SCEL: variants seen among roughly 807,000 people sequenced by gnomAD.
SCEL encodes sciellin.
Under a neutral mutation model 117.6 loss-of-function variants are expected in SCEL, and 113 were observed. The ratio of observed to expected loss-of-function variants is 0.96; its 90% CI spans 0.83 to 1.12. The LOEUF is 1.12. SCEL is among the 50% of genes most tolerant of loss of function. The pLI, the probability that SCEL is intolerant of heterozygous loss-of-function variation, is 0.00. For missense variants in SCEL, 785 were observed against 810.8 expected, an observed-to-expected ratio of 0.97 and a Z score of 0.39; for synonymous variants, 270 against 256.2, an observed-to-expected ratio of 1.05 and a Z score of -0.51.
chr13:77,578,381 T>G (rs2086075453), intron 9 of SCEL, among the ~76,000 whole-genome samples: 1 of 151,258 alleles, frequency 6.6e-6, no homozygotes. Context: ...GAGAAAGGGC[T>G]TTCATGTCTA....
At chr13:77,600,511 C>A (rs143274803) in intron 15 of SCEL, among the ~76,000 whole-genome samples, 1 of 152,126 alleles carries the variant, frequency 6.6e-6, no homozygotes, top group Non-Finnish European at 1.5e-5. Context: ...TCTCTTCATA[C>A]GTATTTGTAA....
In SCEL at chr13:77,571,979, C is replaced by T. The variant is rs564213446; in HGVS notation, c.480-145C>T. 81 of 669,584 alleles carry T rather than the reference C, an allele frequency of 1.2e-4. 1 individual carries two copies. The South Asian group carries it at 1.3e-3, about 11-fold the overall frequency. 41.5% of individuals were successfully genotyped at this position (669,584 alleles called of 1,614,324 possible). Reference sequence around the variant, plus strand: ...GCCTAGAATATAGGACAGTTACTTCCTACTTCATTTATGAAATAGTGTTCA... The same window carrying T: ...GCCTAGAATATAGGACAGTTACTTCTTACTTCATTTATGAAATAGTGTTCA... On this transcript the variant is annotated intron_variant, in intron 8 of 32. Transcript: ENST00000349847.
intron 27 of SCEL, among the ~76,000 whole-genome samples, chr13:77,621,771 C>T (rs2089438810): frequency 6.6e-6 from 1 of 152,144 alleles, no homozygotes; most frequent in Non-Finnish European, 1.5e-5. Flanking sequence ...TTCTGAGCCC[C>T]TATGAGTGAA....
intron 31 of SCEL, among the ~76,000 whole-genome samples, chr13:77,641,931 G>A (rs762856196): frequency 4.6e-5 from 7 of 151,978 alleles, no homozygotes; most frequent in Non-Finnish European, 8.8e-5. Flanking sequence ...TTAGTTATGA[G>A]AACAAAGTTT....
intron 19 of SCEL, 128 bp downstream of exon 19, chr13:77,604,543 A>T: frequency 1.5e-6 from 1 of 651,596 alleles, no homozygotes; most frequent in South Asian, 2.8e-5. Context: ...TTTTTCTCTA[A>T]ACACTTCATA....
At position 77,569,421 on chromosome 13, in the gene SCEL, C is replaced by A; in HGVS notation, c.449C>A (p.Thr150Asn). ...AACACCTCCAACACCATAGCATCCA[C>A]TTCTGCTACTACTCCTGTAAAGAAG... ...NANTSNTIAS[T>N]SATTPVKKKR... Residue 150 changes from threonine (T) to asparagine (N), a missense_variant, in exon 8 of 33, where the codon ACT becomes AAT. Coordinates refer to ENST00000349847, the MANE Select transcript of SCEL (RefSeq NM_144777.3). The A allele has an allele frequency of 6.2e-7, 1 of 1,613,828 alleles. No homozygotes were observed. Among genetic ancestry groups the A allele is most frequent in the Non-Finnish European group, 8.5e-7 (1 of 1,179,716 alleles).
intron 1 of SCEL, among the ~76,000 whole-genome samples, chr13:77,541,735 G>T (rs1321246831): frequency 6.6e-6 from 1 of 151,920 alleles, no homozygotes; most frequent in Non-Finnish European, 1.5e-5. Flanking sequence ...ATGCTTTCTT[G>T]TATTTTCCAC....
chr13:77,560,122 G>A (rs2084892544), intron 4 of SCEL, among the ~76,000 whole-genome samples: 1 of 152,138 alleles, frequency 6.6e-6, no homozygotes, highest in South Asian at 2.1e-4. Context: ...GCAGGGAAAG[G>A]ACTCTCATAG....
rs2087326677 is a variant in SCEL at position 77,597,660 on chromosome 13, T to A, written c.797+71T>A. The A allele has an allele frequency of 1.1e-5, 9 of 802,212 alleles. No homozygotes were observed. In the South Asian group the frequency reaches 1.4e-4, roughly 13 times the overall value. The allele number at this position is 802,212 out of a possible 1,614,324, so 49.7% of individuals were successfully genotyped here. ...TGACTTTTTATGCCTTTCCAGTCTT[T>A]GAGCGTGAGGACCCACATACCAGGG... is the stretch of plus-strand genomic sequence containing the variant. On this transcript the variant is annotated intron_variant, in intron 13 of 32. Transcript: ENST00000349847.
In SCEL at chr13:77,591,392, TAGGC is replaced by T; in HGVS notation, c.627_630del (p.Gln210TyrfsTer20). 6.4e-7 allele frequency: 1 copy of T among 1,555,162 alleles called. No individual in the cohort carries two copies. Among genetic ancestry groups the T allele is most frequent in the Non-Finnish European group, 8.8e-7 (1 of 1,130,238 alleles). On this transcript the variant is annotated splice_acceptor_variant and coding_sequence_variant, in exon 11 of 33. Coordinates refer to ENST00000349847, the MANE Select transcript of SCEL (RefSeq NM_144777.3). LOFTEE classifies it high-confidence loss of function. ...ATATAATCTTCTAACTTTGAAAATA[TAGGC>T]AGATACATCCACCTAAACCAGGTGT...
At chr13:77,610,399 C>T (rs888037402) in intron 22 of SCEL, among the ~76,000 whole-genome samples, 2 of 149,794 alleles carry the variant, frequency 1.3e-5, no homozygotes, top group Non-Finnish European at 3.0e-5. Context: ...TTGCAGTGAG[C>T]CGAGATGGCA....
intron 9 of SCEL, among the ~76,000 whole-genome samples, chr13:77,573,916 G>A (rs535034295): frequency 1.8e-4 from 27 of 152,190 alleles, no homozygotes; most frequent in African/African-American, 6.5e-4. Context: ...TAGATACTTC[G>A]CTATGGGTGA....
chr13:77,540,910 A>G (rs1019607608), intron 1 of SCEL, among the ~76,000 whole-genome samples: 37 of 152,224 alleles, frequency 2.4e-4, no homozygotes, highest in African/African-American at 8.7e-4. Context: ...AGCCGTTGGA[A>G]TAGTCAGGAG....
intron 27 of SCEL, among the ~76,000 whole-genome samples, chr13:77,621,397 G>A (rs1217812771): frequency 6.6e-6 from 1 of 151,864 alleles, no homozygotes; most frequent in Admixed American, 6.6e-5. Flanking sequence ...CTCCTTCATC[G>A]CGATTGCTTG....
At chr13:77,586,519 T>TA (rs1180106799) in intron 9 of SCEL, among the ~76,000 whole-genome samples, 1 of 152,134 alleles carries the variant, frequency 6.6e-6, no homozygotes, top group African/African-American at 2.4e-5. Flanking sequence ...GCCCCCATTG[T>TA]AACCCCTTCC....
intron 1 of SCEL, among the ~76,000 whole-genome samples, chr13:77,544,185 A>G (rs1722881534): frequency 6.6e-6 from 1 of 152,206 alleles, no homozygotes. Flanking sequence ...CAGCAGTCAG[A>G]ATTGAAGTCC....
chr13:77,547,215 TA>T (rs2084041042), intron 1 of SCEL, among the ~76,000 whole-genome samples: 1 of 152,128 alleles, frequency 6.6e-6, no homozygotes. Context: ...AGATAAATCT[TA>T]AACATTTTAA....
At chr13:77,640,546 G>GT (rs745936374) in intron 30 of SCEL, 130 bp from the exon 31 acceptor site, 47 of 406,576 alleles carry the variant, frequency 1.2e-4, no homozygotes, top group African/African-American at 8.5e-4. Context: ...AACTTTCCTT[G>GT]TTTTTTTGTG....
At chr13:77,548,522 T>C (rs1322881817) in intron 1 of SCEL, among the ~76,000 whole-genome samples, 1 of 152,186 alleles carries the variant, frequency 6.6e-6, no homozygotes, top group African/African-American at 2.4e-5. Flanking sequence ...GACATTAAGA[T>C]GGGCAGGAAG....
Sources: allele counts gnomAD v4.1 joint callset (sites outside exome capture counted in the v4.1 genomes callset), GRCh38; gene constraint gnomAD v4.1.1; transcripts MANE v1.5; gene names NCBI Gene and HGNC (gene_info 2026-07-23, HGNC 2026-07-21).